The following ATP2B2 variants were observed in gnomAD, a reference collection of about 807,000 sequenced individuals.
The protein encoded by ATP2B2 is ATPase plasma membrane Ca2+ transporting 2.
A neutral mutation model predicts 120.0 loss-of-function variants in ATP2B2; 15 were observed. That is an observed-to-expected ratio of 0.12 (90% CI 0.08 to 0.19). The LOEUF (loss-of-function observed/expected upper bound fraction) is 0.19, where lower values mean the gene tolerates loss of function less well. Among genes scored for constraint, ATP2B2 ranks in the 10% least tolerant of loss-of-function variants. The probability of loss-of-function intolerance (pLI) is 1.00; values close to 1 mark genes in which losing one functional copy is unlikely to be tolerated. For missense variants in ATP2B2, 1,045 were observed against 1,719.8 expected, an observed-to-expected ratio of 0.61 and a Z score of 6.94; for synonymous variants, 694 against 700.3, an observed-to-expected ratio of 0.99 and a Z score of 0.14.
In ATP2B2 at chr3:10,343,647, A is replaced by G. The variant is rs972156722; in HGVS notation, c.2704-682T>C. Among the ~76,000 whole-genome samples, 3 of 150,654 alleles carry G rather than the reference A, an allele frequency of 2.0e-5. No individual in the cohort carries two copies. Among genetic ancestry groups the G allele is most frequent in the Admixed American group, 6.6e-5 (1 of 15,126 alleles). On this transcript the variant is annotated intron_variant, in intron 18 of 22. Transcript: ENST00000360273. The surrounding 1 kb of genome is among the most constrained non-coding windows in gnomAD (Gnocchi z 4.2). ...TTCTTCTGTCCCCATCCTTCCTCACACCCCCACGTATCTTGTCCACAGCAG... is the reference window on the plus strand; with the variant it reads ...TTCTTCTGTCCCCATCCTTCCTCACGCCCCCACGTATCTTGTCCACAGCAG...
rs904629285 is a variant in ATP2B2, at chr3:10,337,117, A to C, written c.3420+1059T>G. Among the ~76,000 whole-genome samples the C allele has an allele frequency of 7.9e-5, 12 of 152,188 alleles. No homozygotes were observed. In the East Asian group the frequency reaches 2.3e-3, roughly 29 times the overall value. ...ACCCCAGCTGTGCCAGCTCAGTAGAAGGGGCCATCTCCTGGACCTTGGTAA... is the reference window on the plus strand; with the variant it reads ...ACCCCAGCTGTGCCAGCTCAGTAGACGGGGCCATCTCCTGGACCTTGGTAA... On this transcript the variant is annotated intron_variant, in intron 22 of 22. Coordinates refer to ENST00000360273, the MANE Select transcript of ATP2B2 (RefSeq NM_001001331.4).
At chr3:10,433,388 T>A (rs145866302) in intron 2 of ATP2B2, among the ~76,000 whole-genome samples, 139 of 152,140 alleles carry the variant, frequency 9.1e-4, no homozygotes, top group Non-Finnish European at 1.5e-3. Context: ...TCTAACAGAG[T>A]AGGGGGTGCT....
chr3:10,511,950 G>A (rs1411010497), intron 3 of ATP2B2, among the ~76,000 whole-genome samples: 2 of 152,320 alleles, frequency 1.3e-5, no homozygotes, highest in Admixed American at 1.3e-4. Context: ...AGGAAAGGGA[G>A]CGGGTGGGGA....
chr3:10,619,448 G>A (rs772874629), intron 2 of ATP2B2, among the ~76,000 whole-genome samples: 4 of 152,182 alleles, frequency 2.6e-5, no homozygotes, highest in Non-Finnish European at 4.4e-5. Flanking sequence ...AAAACCATCT[G>A]ATGGCGTTAA....
chr3:10,467,410 C>T (rs1394639346), intron 1 of ATP2B2, among the ~76,000 whole-genome samples: 2 of 152,170 alleles, frequency 1.3e-5, no homozygotes, highest in African/African-American at 4.8e-5. Context: ...CTATGCTAAC[C>T]CCACTCTCCG....
intron 1 of ATP2B2, among the ~76,000 whole-genome samples, chr3:10,699,768 T>A (rs2071789771): frequency 6.6e-6 from 1 of 151,958 alleles, no homozygotes; most frequent in African/African-American, 2.4e-5. Context: ...ATCTCCAGAG[T>A]GGGTTCATTA....
chr3:10,676,524 CCACACA>C (rs150121114), intron 1 of ATP2B2, among the ~76,000 whole-genome samples: 3 of 149,130 alleles, frequency 2.0e-5, no homozygotes, highest in Non-Finnish European at 3.0e-5. Flanking sequence ...AGGGACAGAA[CCACACA>C]CACACACACA....
chr3:10,543,529 A>G (rs1287337372), intron 2 of ATP2B2, among the ~76,000 whole-genome samples: 2 of 152,234 alleles, frequency 1.3e-5, no homozygotes, highest in Non-Finnish European at 2.9e-5. Context: ...AGACTTGTAA[A>G]AATATGAAAT....
rs2067142239 is a variant in ATP2B2 at position 10,528,339 on chromosome 3, A to G, written c.-320+5700T>C. ...CAGGCCAGGAGAGCCTGGGCCAAAC[A>G]GCACAGAATCTTGCTTCCTCCAGGA... On this transcript the variant is annotated intron_variant, in intron 3 of 21. Coordinates refer to the ATP2B2 transcript ENST00000646379. Among the ~76,000 whole-genome samples the G allele has an allele frequency of 2.6e-5, 4 of 152,286 alleles. No homozygotes were observed. In the South Asian group the frequency reaches 8.3e-4, roughly 32 times the overall value.
intron 1 of ATP2B2, among the ~76,000 whole-genome samples, chr3:10,467,572 G>A (rs1022530958): frequency 1.3e-5 from 2 of 152,160 alleles, no homozygotes; most frequent in African/African-American, 4.8e-5. Flanking sequence ...GAAACTTGTG[G>A]CTGGACCCCA....
chr3:10,696,767 G>A (rs961923746), intron 1 of ATP2B2, among the ~76,000 whole-genome samples: 1 of 152,146 alleles, frequency 6.6e-6, no homozygotes, highest in African/African-American at 2.4e-5. Flanking sequence ...TACTTTTTGG[G>A]TGAAGAATGG....
At chr3:10,607,456 G>A (rs2125602252) in intron 2 of ATP2B2, among the ~76,000 whole-genome samples, 1 of 152,308 alleles carries the variant, frequency 6.6e-6, no homozygotes, top group South Asian at 2.1e-4. Flanking sequence ...TCCCTGGAGA[G>A]GGGTCAGTGG....
At chr3:10,427,935 T>C (rs1160919607) in intron 2 of ATP2B2, among the ~76,000 whole-genome samples, 1 of 152,218 alleles carries the variant, frequency 6.6e-6, no homozygotes. Context: ...CTGCCTCATT[T>C]CTATATAAGG....
chr3:10,400,123 C>T (rs1284094941), intron 5 of ATP2B2, among the ~76,000 whole-genome samples: 1 of 152,248 alleles, frequency 6.6e-6, no homozygotes, highest in Admixed American at 6.5e-5. Context: ...GGGGCCTCAC[C>T]TGGCTAGTGT....
chr3:10,611,439 C>T (rs1424063774), intron 2 of ATP2B2, among the ~76,000 whole-genome samples: 1 of 152,112 alleles, frequency 6.6e-6, no homozygotes. Context: ...GCCTCCACTC[C>T]TCTCCCCTTG....
chr3:10,584,695 C>T (rs1231687474), intron 2 of ATP2B2, among the ~76,000 whole-genome samples: 1 of 152,126 alleles, frequency 6.6e-6, no homozygotes, highest in African/African-American at 2.4e-5. Flanking sequence ...AATTATTTTC[C>T]ACTTCTGAGC....
chr3:10,336,403 A>C, intron 22 of ATP2B2: 1 of 1,149,726 alleles, frequency 8.7e-7, no homozygotes, highest in Non-Finnish European at 1.2e-6. Flanking sequence ...CACGGCAACA[A>C]CGACAATGTC....
intron 3 of ATP2B2, among the ~76,000 whole-genome samples, chr3:10,410,351 C>T (rs556347437): frequency 6.6e-6 from 1 of 152,224 alleles, no homozygotes; most frequent in African/African-American, 2.4e-5. Flanking sequence ...CAGCCCAGGG[C>T]TTAGCACACT....
intron 1 of ATP2B2, among the ~76,000 whole-genome samples, chr3:10,666,773 G>A (rs2070949884): frequency 6.6e-6 from 1 of 152,194 alleles, no homozygotes; most frequent in Admixed American, 6.5e-5. Context: ...GGAGTGCCCG[G>A]AAGTGGCAGA....
Sources: allele counts gnomAD v4.1 joint callset (sites outside exome capture counted in the v4.1 genomes callset), GRCh38; gene constraint gnomAD v4.1.1; non-coding constraint Gnocchi (gnomAD v3.1); transcripts MANE v1.5; gene names NCBI Gene and HGNC (gene_info 2026-07-23, HGNC 2026-07-21).